Variants in DRC8 observed in about 807,000 individuals in gnomAD.
The protein encoded by DRC8 is dynein regulatory complex protein 8.
chr1:245,015,709 CAAA>C, the DRC8 span: 2,396 of 198,208 alleles, frequency 0.012, no homozygotes, highest in South Asian at 0.032. Flanking sequence ...GACTCTGTCT[CAAA>C]AAAAAAAAAA....
the DRC8 span, among the ~76,000 whole-genome samples, chr1:244,971,952 C>T: frequency 2.4e-5 from 2 of 83,068 alleles, no homozygotes; most frequent in Admixed American, 1.7e-4. Flanking sequence ...TATTTTTGTT[C>T]TTTACCAAAA....
chr1:245,029,556 C>T, the DRC8 span, among the ~76,000 whole-genome samples: 6 of 151,770 alleles, frequency 4.0e-5, no homozygotes, highest in Admixed American at 2.6e-4. Flanking sequence ...TCTCAGCCCT[C>T]CCAAAGTGTT....
the DRC8 span, among the ~76,000 whole-genome samples, chr1:245,007,514 T>C: frequency 6.6e-6 from 1 of 152,104 alleles, no homozygotes; most frequent in Non-Finnish European, 1.5e-5. Flanking sequence ...GCTGAAGTAT[T>C]TAGGGATGAA....
chr1:244,985,024 T>C, the DRC8 span, among the ~76,000 whole-genome samples: 2 of 151,936 alleles, frequency 1.3e-5, no homozygotes, highest in Non-Finnish European at 2.9e-5. Context: ...CCATTACCCT[T>C]AGGATAGTCT....
chr1:245,042,263 A>G, the DRC8 span, among the ~76,000 whole-genome samples: 1 of 152,202 alleles, frequency 6.6e-6, no homozygotes, highest in Non-Finnish European at 1.5e-5. Flanking sequence ...TTTTGTTTTT[A>G]ATGATATACA....
chr1:245,003,520 A>G, the DRC8 span, among the ~76,000 whole-genome samples: 1 of 152,222 alleles, frequency 6.6e-6, no homozygotes, highest in East Asian at 1.9e-4. Flanking sequence ...CCAGCAATAT[A>G]TACATACTTA....
the DRC8 span, among the ~76,000 whole-genome samples, chr1:245,023,693 C>T: frequency 2.0e-5 from 3 of 152,058 alleles, no homozygotes; most frequent in Non-Finnish European, 4.4e-5. Flanking sequence ...ACTTATTGGC[C>T]ATTTGTACAT....
the DRC8 span, among the ~76,000 whole-genome samples, chr1:245,119,907 T>A: frequency 1.3e-5 from 2 of 151,888 alleles, no homozygotes; most frequent in Non-Finnish European, 2.9e-5. Flanking sequence ...CACTCCAGCC[T>A]GGGCAACAGA....
chr1:245,039,926 C>T, the DRC8 span, among the ~76,000 whole-genome samples: 2 of 152,260 alleles, frequency 1.3e-5, no homozygotes, highest in Admixed American at 1.3e-4. Flanking sequence ...ACCTTAATTG[C>T]TTGCTTAAGA....
chr1:245,101,705 G>A, the DRC8 span, among the ~76,000 whole-genome samples: 1 of 152,058 alleles, frequency 6.6e-6, no homozygotes, highest in Non-Finnish European at 1.5e-5. Context: ...CATAATAGAT[G>A]TACATGCTTT....
At chr1:245,093,135 G>A in the DRC8 span, among the ~76,000 whole-genome samples, 1 of 152,142 alleles carries the variant, frequency 6.6e-6, no homozygotes, top group Admixed American at 6.5e-5. Flanking sequence ...GGGGAAGTAG[G>A]TAAATAATAG....
At chr1:245,082,270 T>A in the DRC8 span, 1 of 951,446 alleles carries the variant, frequency 1.1e-6, no homozygotes, top group Non-Finnish European at 1.6e-6. Context: ...TCAAGCAGTG[T>A]GTCCTAAGGT....
the DRC8 span, chr1:245,122,384 T>C: frequency 6.5e-6 from 1 of 154,032 alleles, no homozygotes; most frequent in East Asian, 1.9e-4. Context: ...GCACACAGTT[T>C]AAATTTTAAT....
At chr1:245,077,202 A>T in the DRC8 span, among the ~76,000 whole-genome samples, 1 of 152,150 alleles carries the variant, frequency 6.6e-6, no homozygotes, top group Non-Finnish European at 1.5e-5. Flanking sequence ...AAACAATAGA[A>T]ATTTATTGTC....
chr1:245,089,340 G>A, the DRC8 span, among the ~76,000 whole-genome samples: 1 of 152,090 alleles, frequency 6.6e-6, no homozygotes, highest in South Asian at 2.1e-4. The surrounding 1 kb of genome is among the most constrained non-coding windows in gnomAD (Gnocchi z 4.8). Context: ...CAGCATGTAA[G>A]TAGTATTAAT....
chr1:244,981,832 C>T, the DRC8 span, among the ~76,000 whole-genome samples: 27 of 152,270 alleles, frequency 1.8e-4, no homozygotes, highest in East Asian at 5.8e-4. Flanking sequence ...GGGAAAGCAA[C>T]GCTTTTGAAA....
the DRC8 span, among the ~76,000 whole-genome samples, chr1:245,039,120 A>G: frequency 6.7e-6 from 1 of 149,156 alleles, no homozygotes; most frequent in South Asian, 2.2e-4. Context: ...CACAATAGCC[A>G]ATATAGGGAA....
At chr1:245,063,700 G>A in the DRC8 span, among the ~76,000 whole-genome samples, 13 of 152,230 alleles carry the variant, frequency 8.5e-5, no homozygotes, top group South Asian at 1.9e-3. Context: ...CCACTGCTCT[G>A]CAGCCTGGGT....
the DRC8 span, among the ~76,000 whole-genome samples, chr1:244,992,641 G>A: frequency 1.3e-5 from 2 of 152,176 alleles, no homozygotes; most frequent in African/African-American, 4.8e-5. Context: ...TCTGGAGGCT[G>A]AGGCTGGAGA....
Sources: gnomAD v4.1 joint callset for allele counts (sites outside exome capture counted in the v4.1 genomes callset) on GRCh38, gnomAD v4.1.1 for gene constraint, Gnocchi (gnomAD v3.1) non-coding constraint, MANE v1.5 for transcripts, NCBI Gene and HGNC (gene_info 2026-07-23, HGNC 2026-07-21) for gene names.